The following CPT1A variants were observed in gnomAD, a reference collection of about 807,000 sequenced individuals.
CPT1A encodes carnitine O-palmitoyltransferase 1, liver isoform.
CPT1A carries 64 observed loss-of-function variants against 100.8 expected under a neutral mutation model. That is an observed-to-expected ratio of 0.63 (90% CI 0.52 to 0.78). The LOEUF is 0.78. CPT1A is among the 30% of genes least tolerant of loss of function. The probability of loss-of-function intolerance (pLI) is 0.00; values close to 1 mark genes in which losing one functional copy is unlikely to be tolerated. For synonymous variants in CPT1A, 363 were observed against 396.0 expected, an observed-to-expected ratio of 0.92 and a Z score of 0.99; for missense variants, 802 against 1,034.1, an observed-to-expected ratio of 0.78 and a Z score of 3.08.
chr11:68,805,209 G>C (rs1856007074), intron 4 of CPT1A, among the ~76,000 whole-genome samples: 1 of 152,310 alleles, frequency 6.6e-6, no homozygotes, highest in East Asian at 1.9e-4. Flanking sequence ...CCAGCACTTT[G>C]GGAGGCCGAG....
chr11:68,817,055 G>GT (rs1856436147), intron 1 of CPT1A, among the ~76,000 whole-genome samples: 2 of 7,420 alleles, frequency 2.7e-4, no homozygotes, highest in South Asian at 0.02. Flanking sequence ...GTGGTTGTGT[G>GT]GGGGGTGGGT....
chr11:68,799,155 C>T (rs1402658228), intron 6 of CPT1A, 63 bp downstream of exon 6: 4 of 1,457,790 alleles, frequency 2.7e-6, no homozygotes, highest in Non-Finnish European at 3.8e-6. Context: ...TATCCCTGCC[C>T]CTCAAAATTA....
intron 13 of CPT1A, among the ~76,000 whole-genome samples, chr11:68,775,075 T>A (rs1229567652): frequency 6.6e-6 from 1 of 152,168 alleles, no homozygotes; most frequent in Non-Finnish European, 1.5e-5. Flanking sequence ...GAAATAGCGC[T>A]GACAGTCTTA....
chr11:68,770,440 T>C (rs1392787670), intron 14 of CPT1A, among the ~76,000 whole-genome samples: 2 of 152,198 alleles, frequency 1.3e-5, no homozygotes, highest in African/African-American at 4.8e-5. Flanking sequence ...TGTCATCTGC[T>C]AGAGGCATCC....
chr11:68,775,641 T>C (rs1024238452), intron 12 of CPT1A, among the ~76,000 whole-genome samples: 1 of 152,214 alleles, frequency 6.6e-6, no homozygotes, highest in Middle Eastern at 3.2e-3. Context: ...GCTAAGGGCT[T>C]GCTCAAGTTT....
chr11:68,757,869 A>C, intron 18 of CPT1A, 139 bp from the exon 19 acceptor site: 1 of 749,952 alleles, frequency 1.3e-6, no homozygotes, highest in South Asian at 1.5e-5. Flanking sequence ...CAACGTCTTA[A>C]AGCTTAACTT....
At chr11:68,768,065 TC>T (rs1854865906) in intron 14 of CPT1A, among the ~76,000 whole-genome samples, 1 of 112,638 alleles carries the variant, frequency 8.9e-6, no homozygotes, top group Non-Finnish European at 1.8e-5. Flanking sequence ...TAGTTTCCAG[TC>T]TTTTTTTTTT....
chr11:68,783,767 C>A (rs953173686), intron 10 of CPT1A, among the ~76,000 whole-genome samples: 1 of 152,238 alleles, frequency 6.6e-6, no homozygotes, highest in Non-Finnish European at 1.5e-5. Context: ...CAGTGCCCCC[C>A]ACAAAGAGGT....
chr11:68,839,645 A>G, intron 1 of CPT1A: 4 of 985,522 alleles, frequency 4.1e-6, no homozygotes, highest in Non-Finnish European at 4.8e-6. Flanking sequence ...CCAACGAGCC[A>G]GAAACGCAGG....
chr11:68,784,681 ACC>A, intron 10 of CPT1A, 132 bp downstream of exon 10: 1 of 825,560 alleles, frequency 1.2e-6, no homozygotes, highest in Non-Finnish European at 1.9e-6. Flanking sequence ...AAGCCGGGAG[ACC>A]CCAGAGAAAA....
At chr11:68,776,152 A>G (rs1855133134) in intron 12 of CPT1A, among the ~76,000 whole-genome samples, 1 of 152,270 alleles carries the variant, frequency 6.6e-6, no homozygotes, top group South Asian at 2.1e-4. Flanking sequence ...TAATCCCAGC[A>G]CTTTGGGAGG....
At chr11:68,798,822 C>T (rs1006055164) in intron 6 of CPT1A, among the ~76,000 whole-genome samples, 4 of 152,204 alleles carry the variant, frequency 2.6e-5, no homozygotes, top group African/African-American at 9.6e-5. Context: ...AAGCCTCCTG[C>T]GTGCAAAACA....
intron 9 of CPT1A, among the ~76,000 whole-genome samples, chr11:68,789,123 T>C (rs531825066): frequency 6.6e-6 from 1 of 152,350 alleles, no homozygotes; most frequent in East Asian, 1.9e-4. Context: ...GTGGTAAGAT[T>C]AGGGCTGTAT....
intron 1 of CPT1A, among the ~76,000 whole-genome samples, chr11:68,827,908 C>T (rs1856772800): frequency 6.6e-6 from 1 of 152,184 alleles, no homozygotes; most frequent in African/African-American, 2.4e-5. Context: ...TGTCCTGCAC[C>T]CCCCTGCTGG....
At chr11:68,807,352 C>G in intron 4 of CPT1A, 115 bp downstream of exon 4, 2 of 1,110,168 alleles carry the variant, frequency 1.8e-6, no homozygotes, top group Non-Finnish European at 2.7e-6. Flanking sequence ...AGGCCCAAGT[C>G]ACCAACCAAG....
chr11:68,826,417 A>G (rs200646932), intron 1 of CPT1A, among the ~76,000 whole-genome samples: 74 of 127,928 alleles, frequency 5.8e-4, no homozygotes, highest in Middle Eastern at 6.7e-3. Flanking sequence ...CTGCACTCCT[A>G]GGTGAGAGAG....
intron 9 of CPT1A, among the ~76,000 whole-genome samples, chr11:68,788,192 A>C (rs1318921964): frequency 6.6e-6 from 1 of 152,198 alleles, no homozygotes; most frequent in Non-Finnish European, 1.5e-5. Context: ...ACACCTTGAA[A>C]ATATTCTTGA....
chr11:68,831,540 C>T (rs1003771189), intron 1 of CPT1A, among the ~76,000 whole-genome samples: 16 of 151,962 alleles, frequency 1.1e-4, no homozygotes, highest in African/African-American at 3.1e-4. Flanking sequence ...GCAATCAACA[C>T]GTATGGAGAT....
intron 12 of CPT1A, 78 bp downstream of exon 12, chr11:68,780,562 G>A (rs1411711711): frequency 8.8e-6 from 11 of 1,250,824 alleles, no homozygotes; most frequent in Non-Finnish European, 1.3e-5. Flanking sequence ...GGGATTACAG[G>A]TGTGCGCCAC....
Sources: allele counts gnomAD v4.1 joint callset (sites outside exome capture counted in the v4.1 genomes callset), GRCh38; gene constraint gnomAD v4.1.1; transcripts MANE v1.5; gene names NCBI Gene and HGNC (gene_info 2026-07-23, HGNC 2026-07-21).